SLC39A12: variants seen among roughly 807,000 people sequenced by gnomAD.
SLC39A12 encodes the protein zinc transporter ZIP12.
SLC39A12 carries 63 observed loss-of-function variants against 71.1 expected under a neutral mutation model. The observed-to-expected ratio is 0.89, with a 90% CI of 0.72 to 1.09. The LOEUF (loss-of-function observed/expected upper bound fraction) is 1.09, where lower values mean the gene tolerates loss of function less well. Among genes scored for constraint, SLC39A12 ranks in the 50% least tolerant of loss-of-function variants. The pLI, the probability that SLC39A12 is intolerant of heterozygous loss-of-function variation, is 0.00. For missense variants in SLC39A12, 892 were observed against 812.6 expected, an observed-to-expected ratio of 1.10 and a Z score of -1.19; for synonymous variants, 351 against 301.3, an observed-to-expected ratio of 1.16 and a Z score of -1.71.
chr10:18,018,670 T>C (rs184707948), intron 12 of SLC39A12, among the ~76,000 whole-genome samples: 4 of 152,298 alleles, frequency 2.6e-5, no homozygotes, highest in African/African-American at 9.6e-5. Flanking sequence ...GTTGATGTGA[T>C]GGATTATGTT....
At chr10:17,956,775 A>C (rs890969794) in intron 2 of SLC39A12, among the ~76,000 whole-genome samples, 1 of 152,218 alleles carries the variant, frequency 6.6e-6, no homozygotes, top group Non-Finnish European at 1.5e-5. Context: ...AGCCCCTGAC[A>C]TAACTGTCAT....
chr10:18,015,494 T>C (rs956789343), intron 12 of SLC39A12, among the ~76,000 whole-genome samples: 13 of 152,116 alleles, frequency 8.5e-5, no homozygotes, highest in African/African-American at 2.7e-4. Context: ...TCTAGGTGCA[T>C]TGGTGGTATA....
intron 12 of SLC39A12, among the ~76,000 whole-genome samples, chr10:18,036,782 A>T (rs4027244): frequency 0.055 from 397 of 7,212 alleles, 17 homozygotes; most frequent in African/African-American, 0.22. Flanking sequence ...ATATATATAT[A>T]TATATATATA....
rs1319922649 is a variant in SLC39A12, at chr10:17,965,625, C to T, written c.686C>T (p.Ser229Phe). 1 of 1,614,108 alleles carries T rather than the reference C, an allele frequency of 6.2e-7. No individual in the cohort carries two copies. Among genetic ancestry groups the T allele is most frequent in the African/African-American group, 1.3e-5 (1 of 75,058 alleles). Residue 229 changes from serine to phenylalanine, a missense_variant, in exon 4 of 13, where the codon TCC (serine) becomes TTC (phenylalanine). Coordinates refer to ENST00000377369, the MANE Select transcript of SLC39A12 (RefSeq NM_001145195.2). ...TGTCTGGGACAAGGAAACTTGCCTT[C>T]CCCAGACTACTTTACAGAATATATT... ...GVCLGQGNLPSPDYFTEYIFS... is the reference protein window; with the variant it reads ...GVCLGQGNLPFPDYFTEYIFS...
intron 5 of SLC39A12, among the ~76,000 whole-genome samples, chr10:17,978,604 A>G (rs892609328): frequency 7.9e-5 from 12 of 152,198 alleles, no homozygotes; most frequent in African/African-American, 2.9e-4. Context: ...TCAGGAAGAG[A>G]ACAAATACGG....
intron 10 of SLC39A12, 53 bp downstream of exon 10, chr10:17,995,775 T>C (rs971096606): frequency 1.3e-5 from 20 of 1,485,290 alleles, no homozygotes; most frequent in African/African-American, 1.3e-4. Context: ...AAAACAGTTA[T>C]GTCTGTTTTA....
intron 12 of SLC39A12, among the ~76,000 whole-genome samples, chr10:18,032,673 C>A (rs954824807): frequency 2.0e-5 from 3 of 151,308 alleles, no homozygotes; most frequent in Admixed American, 2.0e-4. Context: ...CTGGCCAGAA[C>A]TTCCAACACT....
intron 12 of SLC39A12, among the ~76,000 whole-genome samples, chr10:18,036,785 TATATATA>T (rs1332315818): frequency 0.016 from 204 of 12,540 alleles, 9 homozygotes; most frequent in South Asian, 0.042. Flanking sequence ...TATATATATA[TATATATA>T]TATTTTTTTT....
chr10:18,018,862 T>TTA (rs1836455200), intron 12 of SLC39A12, among the ~76,000 whole-genome samples: 1 of 152,168 alleles, frequency 6.6e-6, no homozygotes, highest in Non-Finnish European at 1.5e-5. Flanking sequence ...TTGTTTGTAA[T>TTA]GTCTTTGCCT....
chr10:17,968,734 T>C (rs1282776065), intron 4 of SLC39A12, among the ~76,000 whole-genome samples: 2 of 152,182 alleles, frequency 1.3e-5, no homozygotes, highest in African/African-American at 4.8e-5. Flanking sequence ...CAATGTGTAA[T>C]AATGACATCA....
In SLC39A12 at chr10:17,965,657, T is replaced by A. The variant is rs540064715; in HGVS notation, c.718T>A (p.Ser240Thr). 9 of 1,614,130 alleles carry A rather than the reference T, an allele frequency of 5.6e-6. 1 individual carries two copies. The South Asian group carries it at 9.9e-5, about 18-fold the overall frequency. ...PDYFTEYIFS[S>T]LNRTNTLRLS... ...CTACTTTACAGAATATATTTTCAGTTCCTTGAATCGTACGAATACCCTCCG... is the reference window on the plus strand; with the variant it reads ...CTACTTTACAGAATATATTTTCAGTACCTTGAATCGTACGAATACCCTCCG... Residue 240 changes from serine (S) to threonine (T), a missense_variant, in exon 4 of 13, where the codon TCC becomes ACC. By Grantham distance (58) the Ser-to-Thr change is moderately conservative. Transcript: ENST00000377369.
At chr10:17,985,462 C>CA (rs1835375776) in intron 6 of SLC39A12, among the ~76,000 whole-genome samples, 2 of 142,676 alleles carry the variant, frequency 1.4e-5, no homozygotes, top group African/African-American at 5.3e-5. Context: ...TTTTTTTTTT[C>CA]AAAAAAATTG....
chr10:18,026,071 C>G (rs917131431), intron 12 of SLC39A12, among the ~76,000 whole-genome samples: 7 of 152,128 alleles, frequency 4.6e-5, no homozygotes, highest in Non-Finnish European at 7.4e-5. Flanking sequence ...TAATTATTAA[C>G]AACTGTAACC....
At chr10:18,034,602 A>G (rs1836944942) in intron 12 of SLC39A12, among the ~76,000 whole-genome samples, 3 of 151,472 alleles carry the variant, frequency 2.0e-5, no homozygotes, top group East Asian at 1.9e-4. Flanking sequence ...TCTTTATCCA[A>G]TTTGCCAGTC....
intron 12 of SLC39A12, among the ~76,000 whole-genome samples, chr10:18,019,736 T>C (rs969129931): frequency 2.2e-4 from 33 of 152,116 alleles, no homozygotes; most frequent in African/African-American, 7.0e-4. Flanking sequence ...CTGTTATTGA[T>C]TTCTAGTTTA....
Position 17,953,336 on chromosome 10 carries a change from T to C in SLC39A12, c.60T>C (p.Arg20=), listed in dbSNP as rs138604024. Residue 20 remains arginine, a synonymous_variant, in exon 2 of 13, where the codon CGT becomes CGC. Transcript: ENST00000377369. ...TGCCATTGTTTCTTCTACTCAGCCG[T>C]GTTTTTTCTACTGAGACAGACAAAC... ...SWVPLFLLLS[R]VFSTETDKPS... is the part of the protein sequence containing the mutation. The C allele has an allele frequency of 2.4e-5, 39 of 1,614,058 alleles. No individual in the cohort carries two copies. Among genetic ancestry groups the C allele is most frequent in the African/African-American group, 2.3e-4 (17 of 74,908 alleles).
rs759690036 is a variant in SLC39A12 at position 18,003,635 on chromosome 10, T to G, written c.1947+277T>G. Among the ~76,000 whole-genome samples, 21 of 152,172 alleles carry G rather than the reference T, an allele frequency of 1.4e-4. 1 individual carries two copies. Among genetic ancestry groups the G allele is most frequent in the Admixed American group, 3.3e-4 (5 of 15,274 alleles). On this transcript the variant is annotated intron_variant, in intron 12 of 12. Coordinates refer to ENST00000377369, the MANE Select transcript of SLC39A12 (RefSeq NM_001145195.2). ...ACTTTTTTCTTTTAGTGATTTTAAGTGGAAAGAATGAAATGTTCATAATCT... is the reference window on the plus strand; with the variant it reads ...ACTTTTTTCTTTTAGTGATTTTAAGGGGAAAGAATGAAATGTTCATAATCT...
intron 4 of SLC39A12, among the ~76,000 whole-genome samples, chr10:17,977,513 C>G (rs1028033160): frequency 1.3e-5 from 2 of 152,150 alleles, no homozygotes; most frequent in Non-Finnish European, 1.5e-5. Context: ...ACCATAGTTG[C>G]ATTAGAAAAC....
intron 5 of SLC39A12, 152 bp from the exon 6 acceptor site, chr10:17,981,160 C>A (rs1835245828): frequency 3.5e-6 from 2 of 574,296 alleles, no homozygotes; most frequent in Non-Finnish European, 5.9e-6. Flanking sequence ...TTACGTACAG[C>A]TGAAAGTTTG....
Sources: allele counts gnomAD v4.1 joint callset (sites outside exome capture counted in the v4.1 genomes callset), GRCh38; gene constraint gnomAD v4.1.1; transcripts MANE v1.5; gene names NCBI Gene and HGNC (gene_info 2026-07-23, HGNC 2026-07-21).